Variants in ETFA observed in about 807,000 individuals in gnomAD.
The protein encoded by ETFA is electron transfer flavoprotein subunit alpha, mitochondrial.
Under a neutral mutation model 46.2 loss-of-function variants are expected in ETFA, and 22 were observed. That is an observed-to-expected ratio of 0.48 (90% CI 0.34 to 0.68). The LOEUF (loss-of-function observed/expected upper bound fraction) is 0.68. Among genes scored for constraint, ETFA ranks in the 30% least tolerant of loss-of-function variants. The pLI, the probability that ETFA is intolerant of heterozygous loss-of-function variation, is 0.01. For missense variants in ETFA, 345 were observed against 401.1 expected (o/e 0.86, Z 1.19); for synonymous variants, 131 against 139.9 (o/e 0.94, Z 0.45).
intron 9 of ETFA, chr15:76,259,254 G>C (rs1311672972): frequency 6.4e-7 from 1 of 1,561,262 alleles, no homozygotes; most frequent in Non-Finnish European, 8.8e-7. Flanking sequence ...GATGTATAAG[G>C]GGTCCTGGCT....
chr15:76,262,634 C>T (rs1182388268), intron 9 of ETFA, among the ~76,000 whole-genome samples: 3 of 151,924 alleles, frequency 2.0e-5, no homozygotes, highest in African/African-American at 7.3e-5. Context: ...AGGCGCCTGC[C>T]ACCATGCCCG....
chr15:76,261,474 G>A, intron 9 of ETFA: 1 of 876,506 alleles, frequency 1.1e-6, no homozygotes, highest in South Asian at 1.6e-5. Flanking sequence ...TCACCCACTG[G>A]ATGTCAGGCT....
intron 11 of ETFA, among the ~76,000 whole-genome samples, chr15:76,219,851 A>C (rs2038940945): frequency 6.6e-6 from 1 of 152,224 alleles, no homozygotes; most frequent in Non-Finnish European, 1.5e-5. Context: ...GAGGATGTGG[A>C]AAAACTGGAA....
chr15:76,216,735 A>C, intron 11 of ETFA, 138 bp from the exon 12 acceptor site: 1 of 644,848 alleles, frequency 1.6e-6, no homozygotes, highest in Non-Finnish European at 2.8e-6. Flanking sequence ...CCTCTCCACC[A>C]GGAACCCCCT....
chr15:76,241,134 CTAT>C (rs1456038268), intron 9 of ETFA, among the ~76,000 whole-genome samples: 1 of 152,030 alleles, frequency 6.6e-6, no homozygotes, highest in Non-Finnish European at 1.5e-5. Flanking sequence ...ATATTTGTGT[CTAT>C]GATATCAAAA....
chr15:76,229,579 A>T (rs746602113), intron 10 of ETFA, among the ~76,000 whole-genome samples: 1 of 152,204 alleles, frequency 6.6e-6, no homozygotes, highest in Non-Finnish European at 1.5e-5. Context: ...ATATACTTTA[A>T]GGCTGCTGGT....
intron 1 of ETFA, 26 bp downstream of exon 1, chr15:76,311,324 G>C: frequency 6.4e-7 from 1 of 1,552,724 alleles, no homozygotes; most frequent in Non-Finnish European, 8.7e-7. Flanking sequence ...GCCGTCCCTG[G>C]GTTCGCCTTC....
chr15:76,275,060 T>C (rs2039578578), intron 8 of ETFA, among the ~76,000 whole-genome samples: 1 of 151,878 alleles, frequency 6.6e-6, no homozygotes, highest in Non-Finnish European at 1.5e-5. Flanking sequence ...ACTAACAACC[T>C]CCAAAAACGC....
chr15:76,232,128 G>C lies in ETFA; in HGVS notation c.817-730C>G, dbSNP rs373168685. ...ATACCACAGTTTTTTGGTAAATGTT[G>C]ATGATATTTGTACCTCTTCCTGCCC... On this transcript the variant is annotated intron_variant, in intron 9 of 11. Transcript: ENST00000557943. 3.3e-5 allele frequency among the ~76,000 whole-genome samples: 5 copies of C among 152,064 alleles called. No individual in the cohort carries two copies. The East Asian group carries it at 7.7e-4, about 23-fold the overall frequency.
chr15:76,252,022 G>A (rs1016395201), intron 9 of ETFA, among the ~76,000 whole-genome samples: 5 of 152,240 alleles, frequency 3.3e-5, no homozygotes, highest in African/African-American at 1.2e-4. Context: ...TACTTCCCAT[G>A]TGCCATTAGT....
Position 76,295,674 on chromosome 15 carries a change from G to T in ETFA, c.103C>A (p.Pro35Thr), listed in dbSNP as rs181281750. The change falls in exon 2 of 12, where the codon CCC (proline) becomes ACC (threonine). Residue 35 changes from proline to threonine, a missense_variant. Coordinates refer to ENST00000557943, the MANE Select transcript of ETFA (RefSeq NM_000126.4). The part of the protein sequence containing the change: ...IAEHANDSLA[P>T]ITLNTITAAT... ...GCAGTAATGGTATTTAAAGTAATGG[G>T]TGCTAGGGAATCATTTGCATGCTCA... is the stretch of plus-strand genomic sequence containing the variant. 1.2e-5 allele frequency: 20 copies of T among 1,613,164 alleles called. No individual in the cohort carries two copies. The African/African-American group carries it at 2.7e-4, about 22-fold the overall frequency.
At chr15:76,234,609 A>T (rs557713030) in intron 9 of ETFA, among the ~76,000 whole-genome samples, 6 of 152,272 alleles carry the variant, frequency 3.9e-5, no homozygotes, top group African/African-American at 1.2e-4. Flanking sequence ...AACAGAAAGA[A>T]GGAGGGAGAG....
At chr15:76,264,765 G>A (rs942232237) in intron 9 of ETFA, among the ~76,000 whole-genome samples, 1 of 152,178 alleles carries the variant, frequency 6.6e-6, no homozygotes, top group African/African-American at 2.4e-5. Context: ...GGCTATGGCT[G>A]GATTGAAAGT....
At chr15:76,237,590 G>A (rs2039139292) in intron 9 of ETFA, among the ~76,000 whole-genome samples, 2 of 152,168 alleles carry the variant, frequency 1.3e-5, no homozygotes, top group African/African-American at 4.8e-5. Context: ...CTGCTGTTAT[G>A]TGTAAAATGG....
intron 9 of ETFA, among the ~76,000 whole-genome samples, chr15:76,269,480 C>A (rs2141509078): frequency 6.6e-6 from 1 of 152,284 alleles, no homozygotes; most frequent in Admixed American, 6.5e-5. Flanking sequence ...TTCCTTTCAA[C>A]CCCCACATCC....
In ETFA at chr15:76,262,628, G is replaced by T. The variant is rs577391985; in HGVS notation, c.816+11784C>A. 1.3e-4 allele frequency among the ~76,000 whole-genome samples: 20 copies of T among 151,776 alleles called. No individual in the cohort carries two copies. In the South Asian group the frequency reaches 2.7e-3, roughly 21 times the overall value. On this transcript the variant is annotated intron_variant, in intron 9 of 11. Transcript: ENST00000557943. The stretch of plus-strand genomic sequence containing the variant: ...CTCCTGAGTAGCTGGGACTACAGGC[G>T]CCTGCCACCATGCCCGGCTAATTTT...
chr15:76,303,175 G>T (rs1274777119), intron 1 of ETFA, among the ~76,000 whole-genome samples: 1 of 152,082 alleles, frequency 6.6e-6, no homozygotes, highest in Admixed American at 6.5e-5. Flanking sequence ...GGGCGTGGTG[G>T]CAGGAGTCTG....
At chr15:76,294,404 T>A (rs1017793193) in intron 2 of ETFA, among the ~76,000 whole-genome samples, 12 of 152,192 alleles carry the variant, frequency 7.9e-5, no homozygotes. Context: ...GATCCTACAG[T>A]TGTTAGCAGG....
At chr15:76,243,655 C>T (rs145891457) in intron 9 of ETFA, among the ~76,000 whole-genome samples, 107 of 151,860 alleles carry the variant, frequency 7.0e-4, no homozygotes, top group African/African-American at 2.4e-3. Context: ...AACAATTAGC[C>T]GGGCGTGGTG....
Sources: allele counts gnomAD v4.1 joint callset (sites outside exome capture counted in the v4.1 genomes callset), GRCh38; gene constraint gnomAD v4.1.1; transcripts MANE v1.5; gene names NCBI Gene and HGNC (gene_info 2026-07-23, HGNC 2026-07-21).